Variants in ACOXL observed in about 807,000 individuals in gnomAD.
ACOXL encodes the protein acyl-CoA oxidase like.
A neutral mutation model predicts 71.9 loss-of-function variants in ACOXL; 70 were observed. The observed-to-expected ratio is 0.97, with a 90% CI of 0.80 to 1.19. The LOEUF (loss-of-function observed/expected upper bound fraction) is 1.19. Among genes scored for constraint, ACOXL ranks in the 50% most tolerant of loss-of-function variants. ACOXL has a pLI of 0.00. For missense variants in ACOXL, 703 were observed against 736.3 expected (o/e 0.95, Z 0.52); for synonymous variants, 253 against 281.6 (o/e 0.90, Z 1.02).
At chr2:110,875,396 A>G (rs914170685) in intron 10 of ACOXL, among the ~76,000 whole-genome samples, 1 of 152,214 alleles carries the variant, frequency 6.6e-6, no homozygotes, top group Non-Finnish European at 1.5e-5. Flanking sequence ...ACCGCAAGCC[A>G]CACAATTCTA....
Position 111,041,788 on chromosome 2 carries a change from C to T in ACOXL, c.1370-7430C>T, listed in dbSNP as rs1053282623. On this transcript the variant is annotated intron_variant, in intron 15 of 17. Transcript: ENST00000439055. ...GTCCAGATGAGCTGTGCCGTCATCT[C>T]TTCCTGAGTGAATGGTGCATTTGCC... 8.5e-5 allele frequency among the ~76,000 whole-genome samples: 13 copies of T among 152,244 alleles called. No individual in the cohort carries two copies. In the East Asian group the frequency reaches 1.5e-3, roughly 18 times the overall value.
At chr2:110,985,188 A>C (rs1394426125) in intron 12 of ACOXL, among the ~76,000 whole-genome samples, 2 of 152,118 alleles carry the variant, frequency 1.3e-5, no homozygotes, top group Non-Finnish European at 2.9e-5. Context: ...TTTAATTTTA[A>C]TTCTAGTTAA....
chr2:110,998,076 AT>A (rs759631566), intron 14 of ACOXL, among the ~76,000 whole-genome samples: 15 of 149,934 alleles, frequency 1.0e-4, no homozygotes, highest in South Asian at 2.1e-4. Context: ...AGCTAAAAAT[AT>A]TTTTTTTTTG....
rs1413307540 is a variant in ACOXL, at chr2:110,758,755, T to A, written c.-22-9613T>A. On this transcript the variant is annotated intron_variant, in intron 1 of 17. Transcript: ENST00000439055. ...ATTGCTCTTGGTTCTCTTGTTCTTT[T>A]AGTTGAGATGTTAGGTTGTTAACTT... Among the ~76,000 whole-genome samples, 3 of 152,194 alleles carry A rather than the reference T, an allele frequency of 2.0e-5. 1 individual carries two copies. The highest frequency in any genetic ancestry group is 2.0e-4 in the Admixed American group (3 of 15,280).
At chr2:110,907,439 T>A (rs945779344) in intron 10 of ACOXL, among the ~76,000 whole-genome samples, 5 of 151,590 alleles carry the variant, frequency 3.3e-5, no homozygotes, top group African/African-American at 1.2e-4. Context: ...GGCTTTGGGA[T>A]TTTTTTTTGT....
At chr2:110,932,302 C>T (rs1291258184) in intron 11 of ACOXL, among the ~76,000 whole-genome samples, 2 of 152,152 alleles carry the variant, frequency 1.3e-5, no homozygotes, top group Non-Finnish European at 2.9e-5. Context: ...GCATTTTGTT[C>T]TGTAGCTTGA....
At chr2:110,799,141 A>G (rs1348102660) in intron 7 of ACOXL, 41 bp downstream of exon 7, 4 of 1,576,254 alleles carry the variant, frequency 2.5e-6, no homozygotes, top group South Asian at 1.1e-5. Flanking sequence ...CACTCTTCCT[A>G]CCTGCTCCCC....
At chr2:111,015,635 TA>T (rs1197921324) in intron 14 of ACOXL, among the ~76,000 whole-genome samples, 1 of 152,124 alleles carries the variant, frequency 6.6e-6, no homozygotes, top group Non-Finnish European at 1.5e-5. Flanking sequence ...CAAGAGAAAT[TA>T]AAATATATTC....
intron 2 of ACOXL, among the ~76,000 whole-genome samples, chr2:110,781,993 CTGTT>C (rs1237749685): frequency 1.3e-5 from 2 of 152,172 alleles, no homozygotes; most frequent in African/African-American, 4.8e-5. Context: ...CTATCTTCCT[CTGTT>C]TGAGGCTGAA....
chr2:111,003,308 G>C (rs2149628789), intron 14 of ACOXL, among the ~76,000 whole-genome samples: 1 of 152,110 alleles, frequency 6.6e-6, no homozygotes, highest in East Asian at 1.9e-4. Context: ...CCAGCATTTT[G>C]GGAGGCCAAG....
At chr2:110,774,800 G>C (rs1682426078) in intron 2 of ACOXL, among the ~76,000 whole-genome samples, 1 of 152,146 alleles carries the variant, frequency 6.6e-6, no homozygotes, top group Non-Finnish European at 1.5e-5. Flanking sequence ...GATGATTTTT[G>C]CGGAAATAGA....
chr2:110,886,818 G>C, intron 10 of ACOXL: 3 of 1,551,012 alleles, frequency 1.9e-6, no homozygotes, highest in Non-Finnish European at 1.7e-6. Context: ...TTCAGCTCCA[G>C]CTGGTCTTTA....
intron 5 of ACOXL, chr2:110,795,855 T>C (rs1343365168): frequency 6.6e-6 from 1 of 152,140 alleles, no homozygotes; most frequent in African/African-American, 2.4e-5. Flanking sequence ...TTATTACTTT[T>C]TTACAAAAAT....
At chr2:110,929,249 CAG>C (rs1275357804) in intron 11 of ACOXL, among the ~76,000 whole-genome samples, 1 of 152,080 alleles carries the variant, frequency 6.6e-6, no homozygotes, top group African/African-American at 2.4e-5. Flanking sequence ...GAGGTGGACT[CAG>C]ATGGAGATGA....
chr2:110,969,820 GA>G (rs993928828), intron 12 of ACOXL, among the ~76,000 whole-genome samples: 12 of 132,282 alleles, frequency 9.1e-5, no homozygotes, highest in African/African-American at 3.2e-4. Flanking sequence ...CAAAAAAAAA[GA>G]AAAAAAAAAG....
chr2:110,978,613 T>A (rs1312206774), intron 12 of ACOXL, among the ~76,000 whole-genome samples: 1 of 152,122 alleles, frequency 6.6e-6, no homozygotes, highest in African/African-American at 2.4e-5. Context: ...ATCTTATTGG[T>A]TTTGTAGTTT....
intron 9 of ACOXL, among the ~76,000 whole-genome samples, chr2:110,817,914 C>T (rs1573661572): frequency 6.7e-6 from 1 of 150,260 alleles, no homozygotes. Flanking sequence ...CTTCTATTTG[C>T]CGTCTCGTCC....
At chr2:110,904,506 G>A (rs932304373) in intron 10 of ACOXL, among the ~76,000 whole-genome samples, 21 of 152,304 alleles carry the variant, frequency 1.4e-4, no homozygotes, top group African/African-American at 5.1e-4. Context: ...AGACTGAGCG[G>A]GCCTTCCCTC....
chr2:110,811,785 A>ACACACACACGCG (rs1225876415), intron 9 of ACOXL, among the ~76,000 whole-genome samples: 3 of 148,982 alleles, frequency 2.0e-5, no homozygotes, highest in Non-Finnish European at 4.5e-5. Context: ...ACACACACAC[A>ACACACACACGCG]CGCGGGGAGG....
Sources: allele counts gnomAD v4.1 joint callset (sites outside exome capture counted in the v4.1 genomes callset), GRCh38; gene constraint gnomAD v4.1.1; transcripts MANE v1.5; gene names NCBI Gene and HGNC (gene_info 2026-07-23, HGNC 2026-07-21).